Variants in DEFB121 observed in about 807,000 individuals in gnomAD.
DEFB121 encodes the protein beta-defensin 121.
A neutral mutation model predicts 2.5 loss-of-function variants in DEFB121; 5 were observed. The ratio of observed to expected loss-of-function variants is 1.96; its 90% CI spans 1.03 to 4.13. The LOEUF is 4.13. Ranked by LOEUF, DEFB121 falls within the 30% of genes most tolerant of loss-of-function variation. The pLI is 0.00. For missense variants in DEFB121, 87 were observed against 85.0 expected, an observed-to-expected ratio of 1.02 and a Z score of -0.09; for synonymous variants, 39 against 32.6, an observed-to-expected ratio of 1.20 and a Z score of -0.67.
upstream of DEFB121, among the ~76,000 whole-genome samples, chr20:31,416,551 T>C (rs1389258373): frequency 2.6e-5 from 4 of 152,128 alleles, no homozygotes; most frequent in Non-Finnish European, 4.4e-5. Flanking sequence ...ACCTTAGAAG[T>C]TGTTGCATCT....
At chr20:31,413,754 A>G (rs1978727833), upstream of DEFB121, among the ~76,000 whole-genome samples, 2 of 152,246 alleles carry the variant, frequency 1.3e-5, no homozygotes, top group East Asian at 3.8e-4. Context: ...GGCCAAAAGT[A>G]CAATCCTACA....
chr20:31,413,948 C>T (rs1269049899), upstream of DEFB121, among the ~76,000 whole-genome samples: 1 of 152,230 alleles, frequency 6.6e-6, no homozygotes, highest in Non-Finnish European at 1.5e-5. Context: ...TGGCTCACGC[C>T]TGTAATTCCA....
At chr20:31,416,271 G>T (rs1978802647), upstream of DEFB121, among the ~76,000 whole-genome samples, 1 of 152,148 alleles carries the variant, frequency 6.6e-6, no homozygotes, top group Non-Finnish European at 1.5e-5. Context: ...ATGTTAGCCA[G>T]GCTGGTCTCA....
upstream of DEFB121, among the ~76,000 whole-genome samples, chr20:31,415,256 T>C (rs2122365574): frequency 6.6e-6 from 1 of 152,014 alleles, no homozygotes; most frequent in Admixed American, 6.5e-5. Context: ...CCTTTTTTTT[T>C]TTTTTCTGTT....
At chr20:31,411,259 CA>C (rs1359065343) in intron 1 of DEFB121, among the ~76,000 whole-genome samples, 1 of 152,192 alleles carries the variant, frequency 6.6e-6, no homozygotes, top group Non-Finnish European at 1.5e-5. Flanking sequence ...GAGTGTCCAC[CA>C]TTCTTAGATT....
chr20:31,406,324 A>T, upstream of DEFB121: 3 of 1,386,556 alleles, frequency 2.2e-6, no homozygotes, highest in Non-Finnish European at 2.8e-6. Context: ...CAGGCAAGGA[A>T]GGTATCAACC....
chr20:31,409,432 G>A (rs1978594552), upstream of DEFB121, among the ~76,000 whole-genome samples: 1 of 152,154 alleles, frequency 6.6e-6, no homozygotes, highest in South Asian at 2.1e-4. Context: ...CCACTGCTAT[G>A]CAACATACGG....
At chr20:31,410,220 G>T (rs1435223564), upstream of DEFB121, among the ~76,000 whole-genome samples, 3 of 152,202 alleles carry the variant, frequency 2.0e-5, no homozygotes, top group African/African-American at 7.2e-5. Flanking sequence ...CAACATGGAT[G>T]CAGCTGGAGG....
chr20:31,417,444 A>G (rs1260241029), upstream of DEFB121, among the ~76,000 whole-genome samples: 1 of 152,170 alleles, frequency 6.6e-6, no homozygotes, highest in Non-Finnish European at 1.5e-5. Flanking sequence ...ACAGAGATAA[A>G]ATAAAAGCAG....
upstream of DEFB121, among the ~76,000 whole-genome samples, chr20:31,417,836 G>A (rs1396594547): frequency 6.6e-6 from 1 of 151,962 alleles, no homozygotes; most frequent in South Asian, 2.1e-4. Flanking sequence ...GGTGGTGGGC[G>A]CCTGTAATCC....
At chr20:31,413,225 T>C (rs1978709968), upstream of DEFB121, among the ~76,000 whole-genome samples, 1 of 152,184 alleles carries the variant, frequency 6.6e-6, no homozygotes, top group Non-Finnish European at 1.5e-5. Flanking sequence ...AGGGTTTCTG[T>C]CCCTAACATG....
rs377733768 is a variant in DEFB121 at position 31,405,082 on chromosome 20, A to G, written c.62T>C (p.Met21Thr). ...TLLLAQVTPV[M>T]KCWGKSGRCR... ...CCTGCCTGACTTGCCCCAACATTTC[A>G]TGACTGAAAACAAAAGGGAAGAAGA... Residue 21 changes from methionine to threonine, a missense_variant, in exon 2 of 2, where the codon ATG (methionine) becomes ACG (threonine). Coordinates refer to ENST00000376314, the MANE Select transcript of DEFB121 (RefSeq NM_001011878.3). The G allele has an allele frequency of 1.4e-5, 23 of 1,593,606 alleles. No individual in the cohort carries two copies. Among genetic ancestry groups the G allele is most frequent in the Non-Finnish European group, 2.0e-5 (23 of 1,174,176 alleles).
At chr20:31,416,626 G>A (rs1978813240), upstream of DEFB121, among the ~76,000 whole-genome samples, 1 of 152,060 alleles carries the variant, frequency 6.6e-6, no homozygotes, top group Non-Finnish European at 1.5e-5. Flanking sequence ...AGCTCTTCCA[G>A]CAATGGAAAA....
chr20:31,411,828 T>G (rs776165954), intron 1 of DEFB121, among the ~76,000 whole-genome samples: 1 of 152,192 alleles, frequency 6.6e-6, no homozygotes, highest in Admixed American at 6.5e-5. Context: ...CCCCTTTAAG[T>G]AGGTTTCTGC....
upstream of DEFB121, among the ~76,000 whole-genome samples, chr20:31,417,406 T>A (rs546921621): frequency 6.6e-6 from 1 of 151,794 alleles, no homozygotes; most frequent in South Asian, 2.1e-4. Flanking sequence ...AGTACAAAGA[T>A]GAAATTTCCA....
At chr20:31,409,100 A>G (rs1978583894), upstream of DEFB121, among the ~76,000 whole-genome samples, 1 of 152,152 alleles carries the variant, frequency 6.6e-6, no homozygotes, top group African/African-American at 2.4e-5. Flanking sequence ...ATGACATAGC[A>G]AGGTCCCTTC....
upstream of DEFB121, among the ~76,000 whole-genome samples, chr20:31,417,208 G>T (rs1268716780): frequency 6.6e-6 from 1 of 152,090 alleles, no homozygotes; most frequent in Non-Finnish European, 1.5e-5. Context: ...AGCCAGGTGT[G>T]GTGATGTGTG....
upstream of DEFB121, among the ~76,000 whole-genome samples, chr20:31,409,828 A>G (rs1347591456): frequency 6.6e-6 from 1 of 152,200 alleles, no homozygotes; most frequent in Non-Finnish European, 1.5e-5. Flanking sequence ...AAAGAAGAAC[A>G]TACTGAACAA....
intron 1 of DEFB121, chr20:31,412,483 T>G: frequency 2.1e-6 from 1 of 480,290 alleles, no homozygotes; most frequent in Non-Finnish European, 3.6e-6. Flanking sequence ...ATCTCTAATA[T>G]GGAGATGATA....
Sources: gnomAD v4.1 joint callset for allele counts (sites outside exome capture counted in the v4.1 genomes callset) on GRCh38, gnomAD v4.1.1 for gene constraint, MANE v1.5 for transcripts, NCBI Gene and HGNC (gene_info 2026-07-23, HGNC 2026-07-21) for gene names.